The following NALF1 variants were observed in gnomAD, a reference collection of about 807,000 sequenced individuals.
NALF1 encodes family with sequence similarity 155 member A.
In NALF1, 3 loss-of-function variants were observed where a neutral mutation model predicts 48.4. That is an observed-to-expected ratio of 0.06 (90% CI 0.03 to 0.16). The LOEUF (loss-of-function observed/expected upper bound fraction) is 0.16. NALF1 is among the 10% of genes least tolerant of loss of function. The pLI is 1.00. For synonymous variants in NALF1, 262 were observed against 245.7 expected (o/e 1.07, Z -0.62); for missense variants, 526 against 571.5 (o/e 0.92, Z 0.81).
intron 1 of NALF1, among the ~76,000 whole-genome samples, chr13:107,543,697 G>GTATA (rs201408464): frequency 6.6e-6 from 1 of 151,256 alleles, no homozygotes; most frequent in African/African-American, 2.4e-5. Context: ...GTATATACAC[G>GTATA]TATATATATA....
intron 1 of NALF1, among the ~76,000 whole-genome samples, chr13:107,292,675 T>C (rs1188656406): frequency 6.6e-6 from 1 of 152,240 alleles, no homozygotes; most frequent in Non-Finnish European, 1.5e-5. Context: ...CAAAGCCTTC[T>C]TCTATAATAC....
At chr13:107,837,310 G>A (rs1879922552) in intron 1 of NALF1, among the ~76,000 whole-genome samples, 1 of 152,194 alleles carries the variant, frequency 6.6e-6, no homozygotes, top group African/African-American at 2.4e-5. Flanking sequence ...TTAAGGAAAA[G>A]GAATGCATAG....
At chr13:107,349,992 A>T (rs201200750) in intron 1 of NALF1, among the ~76,000 whole-genome samples, 1 of 152,184 alleles carries the variant, frequency 6.6e-6, no homozygotes, top group East Asian at 1.9e-4. Context: ...TTAGAATCTC[A>T]TAAGGACCCT....
intron 1 of NALF1, among the ~76,000 whole-genome samples, chr13:107,826,994 GT>G (rs1441934566): frequency 2.6e-5 from 4 of 152,146 alleles, no homozygotes; most frequent in African/African-American, 9.7e-5. Flanking sequence ...AAGTTACCAT[GT>G]TGAGTGAAAT....
At chr13:107,264,199 A>T (rs759707494) in intron 1 of NALF1, among the ~76,000 whole-genome samples, 3 of 152,200 alleles carry the variant, frequency 2.0e-5, no homozygotes, top group Non-Finnish European at 4.4e-5. Context: ...GGCAAATTAA[A>T]TTTTTTATCA....
rs142723766 is a variant in NALF1 at position 107,788,248 on chromosome 13, T to C, written c.915+77434A>G. On this transcript the variant is annotated intron_variant, in intron 1 of 2. Transcript: ENST00000375915. The stretch of plus-strand genomic sequence containing the variant: ...CATTGTAACAGCCTCCCAGTTATTA[T>C]CTGCGTGTCTCATTTTGCCCTCACT... The C allele has an allele frequency of 2.3e-3, 350 of 152,334 alleles. 4 individuals carry two copies. The highest frequency in any genetic ancestry group is 7.9e-3 in the African/African-American group (329 of 41,582). The allele number at this position is 152,334 out of a possible 1,614,324, so 9.4% of individuals were successfully genotyped here. A position where few individuals can be genotyped will look rare whatever the true frequency, so the allele number is the denominator to read the frequency against.
At chr13:107,201,543 C>A (rs1178710290) in intron 2 of NALF1, among the ~76,000 whole-genome samples, 4 of 151,998 alleles carry the variant, frequency 2.6e-5, no homozygotes, top group South Asian at 2.1e-4. Context: ...TGCCACTGCA[C>A]TCCAGCCTGG....
chr13:107,780,404 A>C (rs1371389902), intron 1 of NALF1, among the ~76,000 whole-genome samples: 1 of 152,060 alleles, frequency 6.6e-6, no homozygotes, highest in African/African-American at 2.4e-5. Flanking sequence ...GCTCAATTTT[A>C]AGTTTCTGAT....
chr13:107,534,845 A>T (rs180957074), intron 1 of NALF1, among the ~76,000 whole-genome samples: 2 of 152,112 alleles, frequency 1.3e-5, no homozygotes, highest in African/African-American at 4.8e-5. Context: ...TTGTATGGTA[A>T]AGTACAGAGT....
chr13:107,341,011 G>C (rs998189269), intron 1 of NALF1, among the ~76,000 whole-genome samples: 4 of 152,056 alleles, frequency 2.6e-5, no homozygotes, highest in African/African-American at 7.2e-5. Flanking sequence ...TATTGTTACT[G>C]CCCAATTTTT....
At chr13:107,481,413 T>C (rs1885252468) in intron 1 of NALF1, among the ~76,000 whole-genome samples, 1 of 152,150 alleles carries the variant, frequency 6.6e-6, no homozygotes, top group Non-Finnish European at 1.5e-5. Context: ...TACAGCCCTT[T>C]CAAACTCAAA....
intron 1 of NALF1, among the ~76,000 whole-genome samples, chr13:107,236,922 G>C (rs982333691): frequency 6.6e-6 from 1 of 152,064 alleles, no homozygotes; most frequent in Non-Finnish European, 1.5e-5. Context: ...ATCATATTGA[G>C]TATTATAAGT....
intron 1 of NALF1, among the ~76,000 whole-genome samples, chr13:107,239,823 A>G (rs1880430491): frequency 6.6e-6 from 1 of 152,170 alleles, no homozygotes; most frequent in African/African-American, 2.4e-5. Context: ...CCCAATAGGT[A>G]TGAAGGGAAA....
At chr13:107,789,973 C>G (rs889022919) in intron 1 of NALF1, among the ~76,000 whole-genome samples, 1 of 152,286 alleles carries the variant, frequency 6.6e-6, no homozygotes, top group East Asian at 1.9e-4. Flanking sequence ...CTCATTCACT[C>G]CCTTGTACAC....
intron 1 of NALF1, among the ~76,000 whole-genome samples, chr13:107,761,686 TTGAAA>T (rs1877269948): frequency 1.3e-5 from 2 of 152,222 alleles, no homozygotes; most frequent in African/African-American, 4.8e-5. Flanking sequence ...TCAGCCATCT[TTGAAA>T]TGAAATCACT....
At chr13:107,779,590 C>T (rs1877827318) in intron 1 of NALF1, among the ~76,000 whole-genome samples, 1 of 152,186 alleles carries the variant, frequency 6.6e-6, no homozygotes, top group African/African-American at 2.4e-5. Flanking sequence ...GGAGCCAAAC[C>T]ATTCTAGCTG....
chr13:107,843,126 T>C (rs141748972), intron 1 of NALF1, among the ~76,000 whole-genome samples: 318 of 152,360 alleles, frequency 2.1e-3, no homozygotes, highest in Admixed American at 6.5e-3. Context: ...GTGTTTTACA[T>C]GCAAAGCATA....
intron 1 of NALF1, among the ~76,000 whole-genome samples, chr13:107,280,961 TTTAA>T (rs1881375175): frequency 6.6e-6 from 1 of 152,222 alleles, no homozygotes; most frequent in Non-Finnish European, 1.5e-5. Context: ...TTTATCTTTG[TTTAA>T]TTAATTTAAT....
intron 1 of NALF1, among the ~76,000 whole-genome samples, chr13:107,225,122 C>T (rs1880075118): frequency 6.6e-6 from 1 of 152,164 alleles, no homozygotes; most frequent in South Asian, 2.1e-4. Flanking sequence ...GATTCTCCTG[C>T]CTCAGCCTCC....
Sources: gnomAD v4.1 joint callset for allele counts (sites outside exome capture counted in the v4.1 genomes callset) on GRCh38, gnomAD v4.1.1 for gene constraint, MANE v1.5 for transcripts, NCBI Gene and HGNC (gene_info 2026-07-23, HGNC 2026-07-21) for gene names.